ZCCHC8: variants seen among roughly 807,000 people sequenced by gnomAD.
ZCCHC8 encodes the protein zinc finger CCHC domain-containing protein 8.
In ZCCHC8, 27 loss-of-function variants were observed where a neutral mutation model predicts 70.6. The ratio of observed to expected loss-of-function variants is 0.38; its 90% CI spans 0.28 to 0.53. The LOEUF is 0.53. Among genes scored for constraint, ZCCHC8 ranks in the 20% least tolerant of loss-of-function variants. ZCCHC8 has a pLI of 0.81. For synonymous variants in ZCCHC8, 293 were observed against 317.4 expected (o/e 0.92, Z 0.82); for missense variants, 737 against 876.9 (o/e 0.84, Z 2.01).
At chr12:122,495,941 G>A (rs1199408816) in intron 2 of ZCCHC8, among the ~76,000 whole-genome samples, 1 of 150,220 alleles carries the variant, frequency 6.7e-6, no homozygotes, top group Non-Finnish European at 1.5e-5. Flanking sequence ...GCTGAGGCAG[G>A]AGGATCACTT....
chr12:122,498,746 T>C, intron 2 of ZCCHC8, 81 bp downstream of exon 2: 2 of 1,390,306 alleles, frequency 1.4e-6, no homozygotes, highest in Non-Finnish European at 2.0e-6. Flanking sequence ...CATACACTTT[T>C]TACAACGAAA....
At chr12:122,496,622 C>T (rs1323494248) in intron 2 of ZCCHC8, among the ~76,000 whole-genome samples, 2 of 152,044 alleles carry the variant, frequency 1.3e-5, no homozygotes, top group Non-Finnish European at 2.9e-5. Context: ...TTAAGCCTCC[C>T]ATGTAGCTGA....
At chr12:122,478,097 T>C (rs1957455388) in intron 12 of ZCCHC8, 109 bp downstream of exon 12, 1 of 1,265,676 alleles carries the variant, frequency 7.9e-7, no homozygotes, top group South Asian at 1.3e-5. Context: ...TGTTTTCCTT[T>C]TGGTTTGTCA....
At chr12:122,479,460 A>G (rs1383332364) in intron 11 of ZCCHC8, among the ~76,000 whole-genome samples, 1 of 152,216 alleles carries the variant, frequency 6.6e-6, no homozygotes, top group African/African-American at 2.4e-5. Flanking sequence ...AGAGTTAAGT[A>G]TGGAAAAACC....
At position 122,500,607 on chromosome 12, in the gene ZCCHC8, C is replaced by G; in HGVS notation, c.199+35G>C. On this transcript the variant is annotated intron_variant, in intron 1 of 13. Transcript: ENST00000633063. This position sits in a 1 kb window ranked among gnomAD's most constrained non-coding sequence, Gnocchi z 4.8. ...CGCCTGGCGCTGCCCCGGCCCCACACCCGGGTGACAGGGCCCAGCGAGAGG... is the reference window on the plus strand; with the variant it reads ...CGCCTGGCGCTGCCCCGGCCCCACAGCCGGGTGACAGGGCCCAGCGAGAGG... 1 of 1,533,338 alleles carries G rather than the reference C, an allele frequency of 6.5e-7. No homozygotes were observed. The highest frequency in any genetic ancestry group is 2.0e-4 in the Middle Eastern group (1 of 4,882). 95.0% of individuals were successfully genotyped at this position (1,533,338 alleles called of 1,614,324 possible).
At chr12:122,479,601 T>A (rs1957490305) in intron 11 of ZCCHC8, among the ~76,000 whole-genome samples, 2 of 152,210 alleles carry the variant, frequency 1.3e-5, no homozygotes, top group South Asian at 4.1e-4. Flanking sequence ...GTAAAATTAA[T>A]AATACTGTCT....
At chr12:122,482,730 C>G in intron 7 of ZCCHC8, 35 bp from the exon 8 acceptor site, 1 of 1,545,348 alleles carries the variant, frequency 6.5e-7, no homozygotes, top group Non-Finnish European at 8.8e-7. Context: ...TTTATAATGT[C>G]AATAAAAATA....
At chr12:122,498,721 A>G in intron 2 of ZCCHC8, 106 bp downstream of exon 2, 1 of 1,088,634 alleles carries the variant, frequency 9.2e-7, no homozygotes, top group Non-Finnish European at 1.4e-6. Flanking sequence ...ACAAATAAAA[A>G]TGATACAAAA....
chr12:122,497,213 C>G lies in ZCCHC8; in HGVS notation c.242+1614G>C, dbSNP rs7300325. 3.9e-3 allele frequency among the ~76,000 whole-genome samples: 600 copies of G among 152,202 alleles called. 4 individuals carry two copies. Among genetic ancestry groups the G allele is most frequent in the African/African-American group, 0.014 (582 of 41,534 alleles). On this transcript the variant is annotated intron_variant, in intron 2 of 13. Transcript: ENST00000633063. ...AAATTTAAACCTGTAGTCACCACTG[C>G]AGCCAGTTATTCCAACTGGTGCCAG...
chr12:122,473,759 C>T lies in ZCCHC8; in HGVS notation c.1862G>A (p.Gly621Asp). The T allele has an allele frequency of 6.2e-7, 1 of 1,613,478 alleles. No homozygotes were observed. Among genetic ancestry groups the T allele is most frequent in the Non-Finnish European group, 8.5e-7 (1 of 1,179,464 alleles). The change falls in exon 14 of 14, where the codon GGT (glycine) becomes GAT (aspartate). Residue 621 changes from glycine to aspartate, a missense_variant. Coordinates refer to ENST00000633063, the MANE Select transcript of ZCCHC8 (RefSeq NM_017612.5). ...KAELAPVNTE[G>D]ALLDNGSVVP... ...GACACTGCCATTATCAAGAAGGGCA[C>T]CTTCAGTGTTTACCGGAGCCAACTC...
At chr12:122,491,340 C>T (rs1957737575) in intron 3 of ZCCHC8, among the ~76,000 whole-genome samples, 1 of 152,054 alleles carries the variant, frequency 6.6e-6, no homozygotes, top group African/African-American at 2.4e-5. Flanking sequence ...ACCAGCCTGG[C>T]CAACATGGCG....
At chr12:122,488,599 A>T (rs1215008939) in intron 5 of ZCCHC8, among the ~76,000 whole-genome samples, 1 of 151,448 alleles carries the variant, frequency 6.6e-6, no homozygotes, top group Non-Finnish European at 1.5e-5. Flanking sequence ...TGCGCTGGGC[A>T]CAGTGGCTCA....
rs79306283 is a variant in ZCCHC8, at chr12:122,492,408, G to A, written c.317+307C>T. Among the ~76,000 whole-genome samples, 443 of 152,254 alleles carry A rather than the reference G, an allele frequency of 2.9e-3. 16 individuals are homozygous for A. The East Asian group carries it at 0.064, about 22-fold the overall frequency. On this transcript the variant is annotated intron_variant, in intron 3 of 13. Transcript: ENST00000633063. ...AGAAGCTATTTATTGAGCTCTTAGA[G>A]GTGCTCATGTAGCTACCCCATAGGT...
intron 2 of ZCCHC8, among the ~76,000 whole-genome samples, chr12:122,497,848 G>GAA (rs77628931): frequency 1.4e-5 from 2 of 145,966 alleles, no homozygotes; most frequent in Non-Finnish European, 3.0e-5. Context: ...GACTCTATCA[G>GAA]AAAAAAAAAA....
chr12:122,475,003 GGGATTATA>G, intron 13 of ZCCHC8, among the ~76,000 whole-genome samples: 1 of 151,730 alleles, frequency 6.6e-6, no homozygotes, highest in East Asian at 1.9e-4. Context: ...CCAAAATGCT[GGGATTATA>G]GGCATGAGCA....
rs966663135 is a variant in ZCCHC8, at chr12:122,485,523, T to G, written c.502-1960A>C. Among the ~76,000 whole-genome samples, 4 of 152,232 alleles carry G rather than the reference T, an allele frequency of 2.6e-5. 1 individual carries two copies. The highest frequency in any genetic ancestry group is 4.1e-4 in the South Asian group (2 of 4,822). ...GTTCTGATCAGTCCTAACCTCCAATTTTATATATGGAAGTGTCAACTTGAC... is the reference window on the plus strand; with the variant it reads ...GTTCTGATCAGTCCTAACCTCCAATGTTATATATGGAAGTGTCAACTTGAC... On this transcript the variant is annotated intron_variant, in intron 5 of 13. Coordinates refer to ENST00000633063, the MANE Select transcript of ZCCHC8 (RefSeq NM_017612.5).
rs1378180989 is a variant in ZCCHC8 at position 122,492,730 on chromosome 12, T to C, written c.302A>G (p.Asn101Ser). 1 of 1,542,818 alleles carries C rather than the reference T, an allele frequency of 6.5e-7. No individual in the cohort carries two copies. The change falls in exon 3 of 14, where the codon AAC becomes AGC. Residue 101 changes from asparagine (N) to serine (S), a missense_variant. By Grantham distance (46) the Asn-to-Ser change is conservative. Coordinates refer to ENST00000633063, the MANE Select transcript of ZCCHC8 (RefSeq NM_017612.5). ...AATTACTTACTTTGAAATAGCATTG[T>C]TCATGAATAGAATCTGTAATATAGG... The part of the protein sequence containing the change: ...DGPILQILFM[N>S]NAISKQYHQE...
At chr12:122,476,878 C>A (rs914100393) in intron 13 of ZCCHC8, among the ~76,000 whole-genome samples, 8 of 151,444 alleles carry the variant, frequency 5.3e-5, no homozygotes, top group Non-Finnish European at 8.8e-5. Context: ...CAAAATTAGC[C>A]AGGCGTGGTG....
At position 122,472,121 on chromosome 12, in the gene ZCCHC8, T is replaced by G. The variant is rs532605635; in HGVS notation, c.*1376A>C. 1 of 152,270 alleles carries G rather than the reference T, an allele frequency of 6.6e-6. No individual in the cohort carries two copies. The highest frequency in any genetic ancestry group is 2.1e-4 in the South Asian group (1 of 4,826). 9.4% of individuals were successfully genotyped at this position (152,270 alleles called of 1,614,324 possible). A position where few individuals can be genotyped will look rare whatever the true frequency, so the allele number is the denominator to read the frequency against. On this transcript the variant is annotated 3_prime_UTR_variant, in exon 14 of 14. Coordinates refer to ENST00000633063, the MANE Select transcript of ZCCHC8 (RefSeq NM_017612.5). ...TCAAAAATTCTGCTGTTTCTATATT[T>G]AAGGCTGAAATCCACTGAAAACACC...
Sources: allele counts gnomAD v4.1 joint callset (sites outside exome capture counted in the v4.1 genomes callset), GRCh38; gene constraint gnomAD v4.1.1; non-coding constraint Gnocchi (gnomAD v3.1); transcripts MANE v1.5; gene names NCBI Gene and HGNC (gene_info 2026-07-23, HGNC 2026-07-21).